QTGAL: variants seen among roughly 807,000 people sequenced by gnomAD.
QTGAL encodes queuosine-tRNA galactosyltransferase.
chr17:82,982,821 A>T, the QTGAL span, among the ~76,000 whole-genome samples: 1 of 151,714 alleles, frequency 6.6e-6, no homozygotes, highest in Non-Finnish European at 1.5e-5. Context: ...GTCTCACAGA[A>T]CTCCCTCCAC....
chr17:83,007,493 C>T, the QTGAL span, among the ~76,000 whole-genome samples: 2 of 151,992 alleles, frequency 1.3e-5, no homozygotes, highest in African/African-American at 4.8e-5. Context: ...TGTTCCAAAA[C>T]GTGAAGACAG....
At chr17:83,025,903 G>A in the QTGAL span, among the ~76,000 whole-genome samples, 2 of 152,246 alleles carry the variant, frequency 1.3e-5, no homozygotes, top group Non-Finnish European at 2.9e-5. Context: ...TTTGCAGGAC[G>A]TACACACACG....
the QTGAL span, among the ~76,000 whole-genome samples, chr17:82,950,979 T>A: frequency 6.6e-6 from 1 of 152,224 alleles, no homozygotes; most frequent in Admixed American, 6.5e-5. Flanking sequence ...ACCACTGCCT[T>A]CAACTTAACC....
the QTGAL span, among the ~76,000 whole-genome samples, chr17:83,039,003 T>C: frequency 6.6e-6 from 1 of 151,544 alleles, no homozygotes; most frequent in Non-Finnish European, 1.5e-5. Context: ...CGAAAGATAA[T>C]GAAAACAAGA....
At chr17:82,965,674 C>T in the QTGAL span, 4 of 1,611,236 alleles carry the variant, frequency 2.5e-6, no homozygotes, top group African/African-American at 2.7e-5. Context: ...TTAAAGGGGC[C>T]CACGTGGGAG....
chr17:82,968,256 G>C, the QTGAL span, among the ~76,000 whole-genome samples: 1 of 152,202 alleles, frequency 6.6e-6, no homozygotes, highest in African/African-American at 2.4e-5. Flanking sequence ...CCCCAGACTG[G>C]AGGCCCCCAA....
At chr17:82,973,008 G>T in the QTGAL span, among the ~76,000 whole-genome samples, 1 of 152,222 alleles carries the variant, frequency 6.6e-6, no homozygotes, top group African/African-American at 2.4e-5. Flanking sequence ...GAAGGAGGGG[G>T]CCCCTGTGTC....
the QTGAL span, among the ~76,000 whole-genome samples, chr17:83,002,907 G>GCCCGCCCT: frequency 3.5e-5 from 1 of 28,590 alleles, no homozygotes. Context: ...GGATTCCTGA[G>GCCCGCCCT]CCCGCCCTCC....
the QTGAL span, among the ~76,000 whole-genome samples, chr17:83,035,982 C>T: frequency 6.6e-6 from 1 of 152,286 alleles, no homozygotes; most frequent in Admixed American, 6.5e-5. Context: ...GGGTGATCCT[C>T]TTGGCGTGCA....
chr17:83,036,857 T>C, the QTGAL span, among the ~76,000 whole-genome samples: 1 of 152,240 alleles, frequency 6.6e-6, no homozygotes, highest in Non-Finnish European at 1.5e-5. Flanking sequence ...AACTTCCCCC[T>C]GCCAGCAGGG....
chr17:82,991,576 T>C, the QTGAL span, among the ~76,000 whole-genome samples: 1,848 of 152,260 alleles, frequency 0.012, 43 homozygotes, highest in African/African-American at 0.042. Context: ...GGAAAGCCTT[T>C]CCAAGAAGGA....
the QTGAL span, among the ~76,000 whole-genome samples, chr17:83,018,531 C>A: frequency 6.6e-6 from 1 of 152,066 alleles, no homozygotes; most frequent in African/African-American, 2.4e-5. Context: ...TATTTTGTAG[C>A]CAAGAAAACG....
At chr17:83,028,312 C>T in the QTGAL span, among the ~76,000 whole-genome samples, 1 of 151,498 alleles carries the variant, frequency 6.6e-6, no homozygotes. Flanking sequence ...ATCACGAGGT[C>T]AGGAGATCGA....
At chr17:83,048,565 C>T in the QTGAL span, 3 of 1,613,590 alleles carry the variant, frequency 1.9e-6, no homozygotes, top group Admixed American at 3.3e-5. Flanking sequence ...TAGCCCCAGA[C>T]TTGTCCTGAA....
the QTGAL span, among the ~76,000 whole-genome samples, chr17:82,989,531 CA>C: frequency 2.0e-5 from 3 of 149,592 alleles, no homozygotes; most frequent in East Asian, 5.9e-4. Flanking sequence ...GTTACCACCA[CA>C]TACACATTCA....
chr17:82,951,810 G>T, the QTGAL span, among the ~76,000 whole-genome samples: 3 of 151,632 alleles, frequency 2.0e-5, no homozygotes, highest in African/African-American at 7.3e-5. Context: ...GGGTGGGGTG[G>T]GGGGGAGCGG....
chr17:83,002,235 C>A, the QTGAL span, among the ~76,000 whole-genome samples: 1 of 152,100 alleles, frequency 6.6e-6, no homozygotes, highest in Non-Finnish European at 1.5e-5. Flanking sequence ...AGCCTGCCCC[C>A]ACGGGGCAGC....
At chr17:82,954,401 GAAAAT>G in the QTGAL span, among the ~76,000 whole-genome samples, 1 of 151,716 alleles carries the variant, frequency 6.6e-6, no homozygotes, top group Non-Finnish European at 1.5e-5. Flanking sequence ...TTGCTACAAA[GAAAAT>G]AAAATACCTA....
At chr17:82,948,224 A>G in the QTGAL span, 3 of 151,944 alleles carry the variant, frequency 2.0e-5, no homozygotes, top group African/African-American at 7.3e-5. Flanking sequence ...ACCTGAAACC[A>G]CCATGAGAAC....
Sources: gnomAD v4.1 joint callset for allele counts (sites outside exome capture counted in the v4.1 genomes callset) on GRCh38, gnomAD v4.1.1 for gene constraint, MANE v1.5 for transcripts, NCBI Gene and HGNC (gene_info 2026-07-23, HGNC 2026-07-21) for gene names.